IRF2: variants seen among roughly 807,000 people sequenced by gnomAD.
IRF2 encodes interferon regulatory factor 2.
Under a neutral mutation model 40.6 loss-of-function variants are expected in IRF2, and 15 were observed. The ratio of observed to expected loss-of-function variants is 0.37; its 90% CI spans 0.25 to 0.57. The LOEUF (loss-of-function observed/expected upper bound fraction) is 0.57. Among genes scored for constraint, IRF2 ranks in the 20% least tolerant of loss-of-function variants. IRF2 has a pLI of 0.77. For synonymous variants in IRF2, 151 were observed against 165.5 expected (o/e 0.91, Z 0.67); for missense variants, 317 against 455.7 (o/e 0.70, Z 2.77).
At chr4:184,428,771 C>T (rs771021552) in intron 2 of IRF2, 5 of 586,492 alleles carry the variant, frequency 8.5e-6, no homozygotes, top group African/African-American at 1.8e-5. Context: ...TGCACTCCAG[C>T]GTGGGCCATA....
chr4:184,446,159 C>A (rs1329075163), intron 1 of IRF2, among the ~76,000 whole-genome samples: 1 of 152,224 alleles, frequency 6.6e-6, no homozygotes, highest in East Asian at 1.9e-4. Flanking sequence ...CCTGCCCATA[C>A]CTTAATTGCC....
intron 5 of IRF2, among the ~76,000 whole-genome samples, chr4:184,416,328 C>CAAAAAAAAAAAAAAAAAAAAAAAA (rs35274774): frequency 1.0e-5 from 1 of 100,170 alleles, no homozygotes; most frequent in African/African-American, 3.9e-5. Flanking sequence ...AAAAAAAAAA[C>CAAAAAAAAAAAAAAAAAAAAAAAA]AAAAAAAAAA....
intron 3 of IRF2, among the ~76,000 whole-genome samples, chr4:184,419,157 G>C (rs757870017): frequency 7.9e-5 from 12 of 151,882 alleles, no homozygotes; most frequent in Non-Finnish European, 1.2e-4. Context: ...TACCTTTTTG[G>C]GGGGGAGATA....
intron 1 of IRF2, among the ~76,000 whole-genome samples, chr4:184,452,338 C>T (rs1165168936): frequency 1.3e-5 from 2 of 152,210 alleles, no homozygotes; most frequent in Non-Finnish European, 2.9e-5. Flanking sequence ...CATTCTGCAC[C>T]TGTCCTACCT....
intron 2 of IRF2, among the ~76,000 whole-genome samples, chr4:184,424,655 C>T (rs750575438): frequency 1.7e-4 from 26 of 152,242 alleles, no homozygotes; most frequent in Non-Finnish European, 3.5e-4. Flanking sequence ...TGCAGCCCCT[C>T]AACCTTGGAC....
At chr4:184,420,314 C>G (rs1008696729) in intron 2 of IRF2, among the ~76,000 whole-genome samples, 3 of 152,142 alleles carry the variant, frequency 2.0e-5, no homozygotes, top group South Asian at 2.1e-4. Context: ...TTTCCAAAAC[C>G]CTTGATGCTA....
chr4:184,461,685 C>G (rs1428561407), intron 1 of IRF2, among the ~76,000 whole-genome samples: 7 of 134,156 alleles, frequency 5.2e-5, no homozygotes, highest in Non-Finnish European at 1.1e-4. Context: ...CCTCTACCCG[C>G]CCCCCCACCG....
intron 1 of IRF2, among the ~76,000 whole-genome samples, chr4:184,438,847 T>C (rs1443124581): frequency 6.6e-6 from 1 of 152,184 alleles, no homozygotes; most frequent in Non-Finnish European, 1.5e-5. Context: ...ACCCCCTATA[T>C]GAGAGAGGAA....
chr4:184,453,439 C>T (rs1240381084), intron 1 of IRF2, among the ~76,000 whole-genome samples: 1 of 152,244 alleles, frequency 6.6e-6, no homozygotes, highest in Non-Finnish European at 1.5e-5. Flanking sequence ...AGCTTCTTTC[C>T]ATATGGAAAA....
intron 7 of IRF2, among the ~76,000 whole-genome samples, chr4:184,393,776 A>G (rs1736344391): frequency 6.6e-6 from 1 of 152,120 alleles, no homozygotes; most frequent in African/African-American, 2.4e-5. Context: ...GGCCTTCAGT[A>G]CCTTAGCTTA....
At chr4:184,424,598 T>C (rs1234625358) in intron 2 of IRF2, among the ~76,000 whole-genome samples, 1 of 152,182 alleles carries the variant, frequency 6.6e-6, no homozygotes, top group Non-Finnish European at 1.5e-5. Flanking sequence ...CTGCACTGCC[T>C]CAGGACTTTG....
chr4:184,459,021 T>G (rs1403482185), intron 1 of IRF2, among the ~76,000 whole-genome samples: 1 of 152,192 alleles, frequency 6.6e-6, no homozygotes, highest in South Asian at 2.1e-4. Context: ...ATGGATTATA[T>G]TTAAATTCTT....
chr4:184,431,147 C>G (rs1737862861), intron 1 of IRF2, among the ~76,000 whole-genome samples: 1 of 152,240 alleles, frequency 6.6e-6, no homozygotes, highest in African/African-American at 2.4e-5. Context: ...CATATGGAGG[C>G]TCCAGCCACC....
intron 6 of IRF2, among the ~76,000 whole-genome samples, chr4:184,400,027 G>A (rs1162057436): frequency 1.3e-5 from 2 of 152,136 alleles, no homozygotes; most frequent in Non-Finnish European, 2.9e-5. Flanking sequence ...CACCCATCTT[G>A]TTCCGATTTC....
At position 184,408,152 on chromosome 4, in the gene IRF2, G is replaced by A. The variant is rs745887994; in HGVS notation, c.529+6C>T. 15 of 1,550,312 alleles carry A rather than the reference G, an allele frequency of 9.7e-6. No individual in the cohort carries two copies. The highest frequency in any genetic ancestry group is 1.1e-5 in the Non-Finnish European group (12 of 1,123,074). On this transcript the variant is annotated splice_donor_region_variant and intron_variant, in intron 6 of 8. Coordinates refer to ENST00000393593, the MANE Select transcript of IRF2 (RefSeq NM_002199.4). This position sits in a 1 kb window ranked among gnomAD's most constrained non-coding sequence, Gnocchi z 4.9. Reference sequence around the variant, plus strand: ...GTATAAAAAATGAGACGTCAAAACAGTTTACCTATGATGTTCACCGTACTA... The same window carrying A: ...GTATAAAAAATGAGACGTCAAAACAATTTACCTATGATGTTCACCGTACTA...
At chr4:184,410,492 A>C (rs1040136307) in intron 5 of IRF2, among the ~76,000 whole-genome samples, 5 of 151,368 alleles carry the variant, frequency 3.3e-5, no homozygotes, top group African/African-American at 1.2e-4. Flanking sequence ...GCAATTCTCC[A>C]TCTCTCCAAC....
At chr4:184,398,864 G>C in intron 7 of IRF2, 51 bp downstream of exon 7, 1 of 1,523,876 alleles carries the variant, frequency 6.6e-7, no homozygotes, top group South Asian at 1.3e-5. Flanking sequence ...CTAGACCAAA[G>C]GACTGCGCGG....
intron 7 of IRF2, among the ~76,000 whole-genome samples, chr4:184,391,905 C>T (rs1240464200): frequency 6.6e-6 from 1 of 152,142 alleles, no homozygotes; most frequent in African/African-American, 2.4e-5. Flanking sequence ...AAGAGGATTA[C>T]ATGGAGAGTG....
In IRF2 at chr4:184,388,309, G is replaced by T. The variant is rs886658925; in HGVS notation, c.*449C>A. 1 of 161,610 alleles carries T rather than the reference G, an allele frequency of 6.2e-6. No individual in the cohort carries two copies. Among genetic ancestry groups the T allele is most frequent in the Non-Finnish European group, 1.3e-5 (1 of 74,620 alleles). The allele number at this position is 161,610 out of a possible 1,614,324, so 10.0% of individuals were successfully genotyped here. A position where few individuals can be genotyped will look rare whatever the true frequency, so the allele number is the denominator to read the frequency against. On this transcript the variant is annotated 3_prime_UTR_variant, in exon 9 of 9. Coordinates refer to ENST00000393593, the MANE Select transcript of IRF2 (RefSeq NM_002199.4). This position sits in a 1 kb window ranked among gnomAD's most constrained non-coding sequence, Gnocchi z 4.6. ...CTGAGTGTGCTGTGAGATAGAGCAA[G>T]ATCACAAGAAGGCCTATCTGTAAGT...
Sources: gnomAD v4.1 joint callset for allele counts (sites outside exome capture counted in the v4.1 genomes callset) on GRCh38, gnomAD v4.1.1 for gene constraint, Gnocchi (gnomAD v3.1) non-coding constraint, MANE v1.5 for transcripts, NCBI Gene and HGNC (gene_info 2026-07-23, HGNC 2026-07-21) for gene names.